The following NECTIN3 variants were observed in gnomAD, a reference collection of about 807,000 sequenced individuals.
NECTIN3 encodes nectin-3.
Under a neutral mutation model 49.4 loss-of-function variants are expected in NECTIN3, and 8 were observed. That is an observed-to-expected ratio of 0.16 (90% CI 0.10 to 0.29). The LOEUF (loss-of-function observed/expected upper bound fraction) is 0.29. NECTIN3 is among the 10% of genes least tolerant of loss of function. NECTIN3 has a pLI of 1.00. For missense variants in NECTIN3, 581 were observed against 654.6 expected (o/e 0.89, Z 1.23); for synonymous variants, 277 against 241.1 (o/e 1.15, Z -1.38).
rs75533593 is a variant in NECTIN3 at position 111,145,049 on chromosome 3, T to C, written c.1139+12T>C. Reference sequence around the variant, plus strand: ...TATCTTGACAAAGTGTAGGTAACTTTTTTGCCTTTGTTCAACTATGAATAT... The same window carrying C: ...TATCTTGACAAAGTGTAGGTAACTTCTTTGCCTTTGTTCAACTATGAATAT... On this transcript the variant is annotated intron_variant, in intron 6 of 8. Coordinates refer to the NECTIN3 transcript ENST00000493615. 887 of 1,535,340 alleles carry C rather than the reference T, an allele frequency of 5.8e-4. 8 individuals are homozygous for C. The East Asian group carries it at 0.018, about 32-fold the overall frequency.
At chr3:111,151,234 G>A (rs981535269) in intron 7 of NECTIN3, among the ~76,000 whole-genome samples, 2 of 151,836 alleles carry the variant, frequency 1.3e-5, no homozygotes, top group African/African-American at 4.8e-5. Context: ...ATAAACATAT[G>A]CATTACCTTA....
intron 7 of NECTIN3, among the ~76,000 whole-genome samples, chr3:111,164,697 C>T (rs916825094): frequency 6.6e-6 from 1 of 152,182 alleles, no homozygotes; most frequent in Non-Finnish European, 1.5e-5. Context: ...TGTTCTTCCT[C>T]TCTATAACTA....
chr3:111,105,822 C>T (rs2033156324), intron 1 of NECTIN3, among the ~76,000 whole-genome samples: 1 of 152,128 alleles, frequency 6.6e-6, no homozygotes, highest in Non-Finnish European at 1.5e-5. Context: ...AACTTTGTTG[C>T]CTGTTGACTG....
intron 1 of NECTIN3, among the ~76,000 whole-genome samples, chr3:111,091,503 C>T (rs569956178): frequency 2.6e-5 from 4 of 152,286 alleles, no homozygotes; most frequent in Admixed American, 6.5e-5. Flanking sequence ...TCACCCGCCT[C>T]GGCCTCCAGA....
chr3:111,170,127 C>A (rs990024457), intron 7 of NECTIN3, among the ~76,000 whole-genome samples: 2 of 152,042 alleles, frequency 1.3e-5, no homozygotes, highest in African/African-American at 4.8e-5. Context: ...TTCTTCCTTC[C>A]CATATTTAAT....
intron 1 of NECTIN3, among the ~76,000 whole-genome samples, chr3:111,099,416 G>A (rs900640657): frequency 6.6e-6 from 1 of 152,066 alleles, no homozygotes; most frequent in African/African-American, 2.4e-5. Flanking sequence ...AACAAATTAC[G>A]TGGTCACTGT....
upstream of NECTIN3, among the ~76,000 whole-genome samples, chr3:111,191,221 C>T (rs1011768056): frequency 1.3e-5 from 2 of 152,172 alleles, no homozygotes; most frequent in Admixed American, 6.5e-5. Context: ...TTACCACTTA[C>T]CAGTTGTGTG....
intron 7 of NECTIN3, among the ~76,000 whole-genome samples, chr3:111,181,454 A>T (rs2035625666): frequency 6.6e-6 from 1 of 152,166 alleles, no homozygotes; most frequent in Non-Finnish European, 1.5e-5. Flanking sequence ...TGGTTTTAGT[A>T]TCCAGATGAT....
chr3:111,081,323 C>T (rs906481836), intron 1 of NECTIN3, among the ~76,000 whole-genome samples: 1 of 152,184 alleles, frequency 6.6e-6, no homozygotes, highest in Admixed American at 6.5e-5. Context: ...AGAAAAACCA[C>T]AACCCTACAA....
intron 7 of NECTIN3, among the ~76,000 whole-genome samples, chr3:111,173,737 A>C (rs2035474996): frequency 6.6e-6 from 1 of 152,204 alleles, no homozygotes; most frequent in Non-Finnish European, 1.5e-5. Context: ...TTTCATAGAC[A>C]AACAATATCC....
intron 1 of NECTIN3, among the ~76,000 whole-genome samples, chr3:111,106,872 C>T (rs868221534): frequency 1.2e-4 from 13 of 104,380 alleles, no homozygotes; most frequent in African/African-American, 3.3e-4. Context: ...TAGATCTTAA[C>T]ATTTGAAAGA....
intron 2 of NECTIN3, among the ~76,000 whole-genome samples, chr3:111,118,449 G>A (rs777727552): frequency 6.6e-6 from 1 of 151,160 alleles, no homozygotes; most frequent in African/African-American, 2.4e-5. Flanking sequence ...TTGTAGTGGT[G>A]GTATGAATTC....
In NECTIN3 at chr3:111,136,770, G is replaced by A; in HGVS notation, c.*2555G>A. 1 of 930,662 alleles carries A rather than the reference G, an allele frequency of 1.1e-6. No individual in the cohort carries two copies. The highest frequency in any genetic ancestry group is 1.8e-5 in the African/African-American group (1 of 55,856). The allele number at this position is 930,662 out of a possible 1,614,324, so 57.7% of individuals were successfully genotyped here. A position where few individuals can be genotyped will look rare whatever the true frequency, so the allele number is the denominator to read the frequency against. On this transcript the variant is annotated 3_prime_UTR_variant, in exon 6 of 6. Transcript: ENST00000485303. ...TTTAGCATTTTGTAAATTCACTTGA[G>A]AGTTTTCTTTCATACTGGTTAAAAT...
At chr3:111,075,985 G>A (rs547575741) in intron 1 of NECTIN3, among the ~76,000 whole-genome samples, 11 of 152,174 alleles carry the variant, frequency 7.2e-5, no homozygotes, top group South Asian at 4.1e-4. Flanking sequence ...ATCCTAAACA[G>A]ATATTTTTGG....
chr3:111,164,231 C>G, intron 7 of NECTIN3, among the ~76,000 whole-genome samples: 1 of 151,990 alleles, frequency 6.6e-6, no homozygotes, highest in Non-Finnish European at 1.5e-5. Flanking sequence ...GTCTGGTTAC[C>G]AAGATATATC....
intron 3 of NECTIN3, 141 bp downstream of exon 3, chr3:111,119,093 A>G (rs1211650643): frequency 3.7e-6 from 3 of 817,692 alleles, no homozygotes; most frequent in Non-Finnish European, 5.5e-6. Context: ...TCATTTAACC[A>G]GAACATTTTT....
intron 1 of NECTIN3, among the ~76,000 whole-genome samples, chr3:111,097,183 G>A (rs2032636766): frequency 6.6e-6 from 1 of 152,206 alleles, no homozygotes; most frequent in South Asian, 2.1e-4. Context: ...GTAGTCAAAG[G>A]AGATCAAAGG....
At chr3:111,121,001 CTT>C (rs397954033) in intron 3 of NECTIN3, among the ~76,000 whole-genome samples, 7 of 129,526 alleles carry the variant, frequency 5.4e-5, no homozygotes, top group Admixed American at 7.9e-5. Context: ...TTATTTCTTT[CTT>C]TTTTTTTTTT....
At chr3:111,154,323 A>AT (rs1174901051) in intron 7 of NECTIN3, among the ~76,000 whole-genome samples, 1 of 151,980 alleles carries the variant, frequency 6.6e-6, no homozygotes, top group Non-Finnish European at 1.5e-5. Context: ...TGATTTTGAG[A>AT]TTCATTCATG....
Sources: allele counts gnomAD v4.1 joint callset (sites outside exome capture counted in the v4.1 genomes callset), GRCh38; gene constraint gnomAD v4.1.1; transcripts MANE v1.5; gene names NCBI Gene and HGNC (gene_info 2026-07-23, HGNC 2026-07-21).